ZNF655: variants seen among roughly 807,000 people sequenced by gnomAD.
ZNF655 encodes the protein Vav-interacting Kruppel-like protein 1.
A neutral mutation model predicts 6.6 loss-of-function variants in ZNF655; 3 were observed. That is an observed-to-expected ratio of 0.46 (90% CI 0.21 to 1.18). The LOEUF (loss-of-function observed/expected upper bound fraction) is 1.18, where lower values mean the gene tolerates loss of function less well. ZNF655 is among the 50% of genes most tolerant of loss of function. ZNF655 has a pLI of 0.24. For synonymous variants in ZNF655, 178 were observed against 195.0 expected (o/e 0.91, Z 0.73); for missense variants, 526 against 572.3 (o/e 0.92, Z 0.83).
intron 2 of ZNF655, chr7:99,562,358 G>A: frequency 6.2e-7 from 1 of 1,613,914 alleles, no homozygotes; most frequent in East Asian, 2.2e-5. Context: ...GCCAGGATGT[G>A]TTATTTCAGG....
chr7:99,570,024 T>C lies in ZNF655; in HGVS notation c.137-2221T>C, dbSNP rs376296975. ...CACTCTGTATGCCTTTGCGTACTCA[T>C]CTGCTGGGCATTTTCTCTTATACCT... is the stretch of plus-strand genomic sequence containing the variant. On this transcript the variant is annotated intron_variant, in intron 2 of 2. Transcript: ENST00000252713. Among the ~76,000 whole-genome samples, 17 of 152,304 alleles carry C rather than the reference T, an allele frequency of 1.1e-4. No homozygotes were observed. In the East Asian group the frequency reaches 3.1e-3, roughly 28 times the overall value.
intron 2 of ZNF655, chr7:99,564,680 A>G (rs1277304259): frequency 1.0e-6 from 1 of 984,932 alleles, no homozygotes; most frequent in African/African-American, 1.7e-5. Context: ...ATTTTATCTA[A>G]TAATTACAGA....
chr7:99,573,344 A>G lies in ZNF655; in HGVS notation c.1236A>G (p.Glu412=). 2 of 1,614,216 alleles carry G rather than the reference A, an allele frequency of 1.2e-6. No individual in the cohort carries two copies. The highest frequency in any genetic ancestry group is 1.7e-6 in the Non-Finnish European group (2 of 1,180,024). Residue 412 remains glutamate (E), a synonymous_variant, in exon 3 of 3, where the codon GAA becomes GAG. Transcript: ENST00000252713. ...HTGEKAHECN[E]CGKAFSQTSC... is the part of the protein sequence containing the mutation. The stretch of plus-strand genomic sequence containing the variant: ...GAGAGAAAGCACATGAATGTAATGA[A>G]TGTGGAAAAGCTTTCAGTCAAACCT...
chr7:99,563,217 T>C, intron 2 of ZNF655: 1 of 453,166 alleles, frequency 2.2e-6, no homozygotes, highest in South Asian at 1.6e-5. Context: ...TTAGCCAAGC[T>C]GTAGTGCTGC....
rs552705098 is a variant in ZNF655 at position 99,560,749 on chromosome 7, C to T, written c.136+54C>T. On this transcript the variant is annotated intron_variant, in intron 2 of 2. Transcript: ENST00000252713. The stretch of plus-strand genomic sequence containing the variant: ...GAGAGTGGGAGTGCGGAGGGGCTCC[C>T]GAGGGGGCTCCTGGGCCTGGTTTGA... The T allele has an allele frequency of 3.6e-4, 570 of 1,590,046 alleles. 1 individual carries two copies. In the African/African-American group the frequency reaches 6.7e-3, roughly 19 times the overall value.
chr7:99,574,125 T>C lies in ZNF655; in HGVS notation c.*541T>C, dbSNP rs1804267668. 6.5e-6 allele frequency: 1 copy of C among 153,104 alleles called. No individual in the cohort carries two copies. Among genetic ancestry groups the C allele is most frequent in the Non-Finnish European group, 1.5e-5 (1 of 68,658 alleles). 9.5% of individuals were successfully genotyped at this position (153,104 alleles called of 1,614,324 possible). The stretch of plus-strand genomic sequence containing the variant: ...AATGGCAGATCTTTCAATAGGAGTT[T>C]AACTAGTCTTTGTCATATCAGAATA... On this transcript the variant is annotated 3_prime_UTR_variant, in exon 3 of 3. Coordinates refer to ENST00000252713, the MANE Select transcript of ZNF655 (RefSeq NM_138494.3).
chr7:99,572,518 G>A lies in ZNF655; in HGVS notation c.410G>A (p.Ser137Asn), dbSNP rs1226712955. ...KNNECHEPEK[S>N]FSLDSTIDAD... ...AATGAATGTCATGAACCCGAAAAAA[G>A]CTTCAGTCTGGACTCTACTATTGAT... The change falls in exon 3 of 3, where the codon AGC (serine) becomes AAC (asparagine). Residue 137 changes from serine to asparagine, a missense_variant. Coordinates refer to ENST00000252713, the MANE Select transcript of ZNF655 (RefSeq NM_138494.3). 6.2e-7 allele frequency: 1 copy of A among 1,613,958 alleles called. No individual in the cohort carries two copies. The highest frequency in any genetic ancestry group is 2.2e-5 in the East Asian group (1 of 44,868).
chr7:99,564,029 C>G, intron 2 of ZNF655: 5 of 1,609,090 alleles, frequency 3.1e-6, no homozygotes, highest in Non-Finnish European at 4.2e-6. Flanking sequence ...TTGCTCGTCC[C>G]TGCTCGGAAA....
chr7:99,562,300 T>G (rs1462305804), intron 2 of ZNF655: 2 of 1,592,210 alleles, frequency 1.3e-6, no homozygotes, highest in African/African-American at 2.7e-5. Flanking sequence ...CTCTCTATGA[T>G]CTTCATTCTC....
At chr7:99,565,133 G>A (rs1370975864) in intron 2 of ZNF655, among the ~76,000 whole-genome samples, 6 of 151,746 alleles carry the variant, frequency 4.0e-5, no homozygotes, top group Admixed American at 3.9e-4. Context: ...ACTGGGTTAA[G>A]TTTATACATT....
chr7:99,561,260 G>A (rs977113668), intron 2 of ZNF655, among the ~76,000 whole-genome samples: 1 of 152,192 alleles, frequency 6.6e-6, no homozygotes, highest in African/African-American at 2.4e-5. Flanking sequence ...GTATAGGTAG[G>A]TTGGTCTTTT....
intron 2 of ZNF655, chr7:99,562,474 AT>A (rs1295584242): frequency 1.9e-5 from 31 of 1,613,696 alleles, no homozygotes; most frequent in Non-Finnish European, 2.6e-5. Context: ...TTAGAGAATT[AT>A]GGGAACGTGG....
chr7:99,568,056 A>AC (rs1201882914), intron 2 of ZNF655, among the ~76,000 whole-genome samples: 6 of 103,696 alleles, frequency 5.8e-5, no homozygotes, highest in African/African-American at 2.0e-4. Flanking sequence ...GAGACTCCAT[A>AC]CCCCCCGGCC....
intron 2 of ZNF655, chr7:99,571,341 T>C: frequency 7.8e-7 from 1 of 1,284,642 alleles, no homozygotes; most frequent in Non-Finnish European, 1.0e-6. Flanking sequence ...TCCATTTTGA[T>C]ACTTGTAGAC....
chr7:99,571,429 CA>C (rs1375167394), intron 2 of ZNF655: 1 of 1,237,964 alleles, frequency 8.1e-7, no homozygotes, highest in African/African-American at 1.6e-5. Flanking sequence ...CAAACCCATG[CA>C]CACATTCTGT....
intron 2 of ZNF655, chr7:99,571,354 G>A (rs1804055424): frequency 8.0e-7 from 1 of 1,257,862 alleles, no homozygotes; most frequent in Non-Finnish European, 1.0e-6. Context: ...TTGTAGACCA[G>A]ATCTAATCCG....
In ZNF655 at chr7:99,559,651, G is replaced by C. The variant is rs1802922916; in HGVS notation, c.-28+864G>C. On this transcript the variant is annotated intron_variant, in intron 1 of 2. Coordinates refer to ENST00000252713, the MANE Select transcript of ZNF655 (RefSeq NM_138494.3). ...ATATTTTGTTTTGTTTATTTGAGGT[G>C]GGCTGTCACGCTGTCATACAGGCTG... 1.3e-5 allele frequency among the ~76,000 whole-genome samples: 2 copies of C among 152,178 alleles called. 1 individual carries two copies. Among genetic ancestry groups the C allele is most frequent in the South Asian group, 4.2e-4 (2 of 4,814 alleles).
chr7:99,560,588 CAGG>C lies in ZNF655; in HGVS notation c.30_32del (p.Gly11del). On this transcript the variant is annotated inframe_deletion, in exon 2 of 3. Transcript: ENST00000252713. ...GAGGAAATACCAGCCCAGGAAGCAG[CAGG>C]GTCACCAAGGGTCCAGTTTCAGTCT... is the stretch of plus-strand genomic sequence containing the variant. The C allele has an allele frequency of 6.2e-7, 1 of 1,614,166 alleles. No homozygotes were observed. Among genetic ancestry groups the C allele is most frequent in the Non-Finnish European group, 8.5e-7 (1 of 1,180,010 alleles).
intron 2 of ZNF655, among the ~76,000 whole-genome samples, chr7:99,565,749 G>T (rs1230376859): frequency 1.3e-5 from 2 of 152,118 alleles, no homozygotes; most frequent in African/African-American, 4.8e-5. Context: ...AGTGTGGCAG[G>T]TGCCCTATTA....
Sources: allele counts gnomAD v4.1 joint callset (sites outside exome capture counted in the v4.1 genomes callset), GRCh38; gene constraint gnomAD v4.1.1; transcripts MANE v1.5; gene names NCBI Gene and HGNC (gene_info 2026-07-23, HGNC 2026-07-21).